Variants in SNX29 observed in about 807,000 individuals in gnomAD.
SNX29 encodes sorting nexin 29, also known as sorting nexin-29.
In SNX29, 78 loss-of-function variants were observed where a neutral mutation model predicts 102.1. The observed-to-expected ratio is 0.76, with a 90% CI of 0.64 to 0.92. The LOEUF (loss-of-function observed/expected upper bound fraction) is 0.92. Among genes scored for constraint, SNX29 ranks in the 40% least tolerant of loss-of-function variants. SNX29 has a pLI of 0.00. For synonymous variants in SNX29, 580 were observed against 414.5 expected, an observed-to-expected ratio of 1.40 and a Z score of -4.85; for missense variants, 1,280 against 1,061.7, an observed-to-expected ratio of 1.21 and a Z score of -2.86.
rs1408652879 is a variant in SNX29 at position 12,571,698 on chromosome 16, A to G, written c.*3069A>G. On this transcript the variant is annotated 3_prime_UTR_variant, in exon 21 of 21. Transcript: ENST00000566228. ...GAGGTGTCTCTCCTTGAGAGACAAC[A>G]AAAGCTTCTAAGGGAGGGAGCTTAA... 7.5e-6 allele frequency: 8 copies of G among 1,059,970 alleles called. No individual in the cohort carries two copies. Among genetic ancestry groups the G allele is most frequent in the Non-Finnish European group, 9.1e-6 (8 of 875,904 alleles). The allele number at this position is 1,059,970 out of a possible 1,614,324, so 65.7% of individuals were successfully genotyped here.
chr16:12,569,071 T>C lies in SNX29; in HGVS notation c.*442T>C, dbSNP rs2081896. On this transcript the variant is annotated 3_prime_UTR_variant, in exon 21 of 21. Transcript: ENST00000566228. ...GACTAGAATGACTATTAGCCTCTCC[T>C]TTTGCTTTTTAAGGTTATTACCTGG... is the stretch of plus-strand genomic sequence containing the variant. 52,241 of 196,092 alleles carry C rather than the reference T, an allele frequency of 0.27. 7,095 individuals are homozygous for C. The highest frequency in any genetic ancestry group is 0.46 in the East Asian group (5,977 of 12,954). The allele number at this position is 196,092 out of a possible 1,614,324, so 12.1% of individuals were successfully genotyped here. A position where few individuals can be genotyped will look rare whatever the true frequency, so the allele number is the denominator to read the frequency against.
chr16:12,571,971 T>A lies in SNX29; in HGVS notation c.*3342T>A. Reference sequence around the variant, plus strand: ...AAGAGGCTCTTACAGTCTATGGTGGTAGCCATCTTCACATCCAGTCACCAG... The same window carrying A: ...AAGAGGCTCTTACAGTCTATGGTGGAAGCCATCTTCACATCCAGTCACCAG... On this transcript the variant is annotated 3_prime_UTR_variant, in exon 21 of 21. Coordinates refer to ENST00000566228, the MANE Select transcript of SNX29 (RefSeq NM_032167.5). 1 of 1,061,690 alleles carries A rather than the reference T, an allele frequency of 9.4e-7. No individual in the cohort carries two copies. The highest frequency in any genetic ancestry group is 1.1e-6 in the Non-Finnish European group (1 of 876,986). 65.8% of individuals were successfully genotyped at this position (1,061,690 alleles called of 1,614,324 possible).
At chr16:12,309,443 C>T (rs2080457730) in intron 15 of SNX29, among the ~76,000 whole-genome samples, 1 of 152,170 alleles carries the variant, frequency 6.6e-6, no homozygotes, top group Non-Finnish European at 1.5e-5. Context: ...AGTAACCTGT[C>T]CCCTCCCATC....
rs184373723 is a variant in SNX29, at chr16:12,307,936, G to T, written c.1782+29900G>T. Among the ~76,000 whole-genome samples, 8 of 152,236 alleles carry T rather than the reference G, an allele frequency of 5.3e-5. No individual in the cohort carries two copies. The East Asian group carries it at 1.5e-3, about 29-fold the overall frequency. ...AGAGGTGGGCTTCCTCTGCAATCAG[G>T]GTCTGTTTGAGTTGTCTTCAGGACA... is the stretch of plus-strand genomic sequence containing the variant. On this transcript the variant is annotated intron_variant, in intron 15 of 20. Transcript: ENST00000566228.
intron 20 of SNX29, among the ~76,000 whole-genome samples, chr16:12,553,377 C>T (rs1029374909): frequency 6.6e-6 from 1 of 152,220 alleles, no homozygotes; most frequent in South Asian, 2.1e-4. Context: ...CAGACATGCT[C>T]TCAAGTTGAA....
At chr16:12,502,703 C>T (rs907902047) in intron 19 of SNX29, among the ~76,000 whole-genome samples, 5 of 152,138 alleles carry the variant, frequency 3.3e-5, no homozygotes, top group Non-Finnish European at 5.9e-5. Context: ...TTCTCAGTAC[C>T]CTCTACGTGA....
intron 20 of SNX29, among the ~76,000 whole-genome samples, chr16:12,550,542 A>C (rs1012443295): frequency 3.9e-5 from 6 of 152,092 alleles, no homozygotes; most frequent in African/African-American, 1.2e-4. Context: ...AAAAAAAAAA[A>C]AAAAACCAAA....
intron 16 of SNX29, chr16:12,374,640 G>T (rs989245176): frequency 6.6e-5 from 10 of 152,246 alleles, no homozygotes; most frequent in African/African-American, 2.2e-4. Flanking sequence ...GACAAAGTGA[G>T]TGTGGGCCTC....
chr16:12,537,550 T>G (rs998326774), intron 20 of SNX29, among the ~76,000 whole-genome samples: 1 of 152,200 alleles, frequency 6.6e-6, no homozygotes, highest in Non-Finnish European at 1.5e-5. Flanking sequence ...CTATGGAGCT[T>G]CTCGAAGGGA....
chr16:12,384,498 A>ATTTGTTT (rs2083281849), intron 16 of SNX29, among the ~76,000 whole-genome samples: 1 of 152,082 alleles, frequency 6.6e-6, no homozygotes. Flanking sequence ...TAGACCTGTT[A>ATTTGTTT]GCCATTTGTA....
At chr16:12,009,011 G>A (rs1045378555) in intron 3 of SNX29, among the ~76,000 whole-genome samples, 1 of 152,084 alleles carries the variant, frequency 6.6e-6, no homozygotes, top group African/African-American at 2.4e-5. Context: ...CAAACTGGTG[G>A]GATTACAGGC....
Position 12,572,655 on chromosome 16 carries a change from T to C in SNX29, c.*4026T>C. On this transcript the variant is annotated 3_prime_UTR_variant, in exon 21 of 21. Transcript: ENST00000566228. Reference sequence around the variant, plus strand: ...CCTTCATTCCTCCACCAAGCTCCTGTGTGAGCTGCAGCACCCACACGGGGG... The same window carrying C: ...CCTTCATTCCTCCACCAAGCTCCTGCGTGAGCTGCAGCACCCACACGGGGG... 4 of 1,063,754 alleles carry C rather than the reference T, an allele frequency of 3.8e-6. No individual in the cohort carries two copies. Among genetic ancestry groups the C allele is most frequent in the Non-Finnish European group, 4.6e-6 (4 of 878,418 alleles). The allele number at this position is 1,063,754 out of a possible 1,614,324, so 65.9% of individuals were successfully genotyped here. A position where few individuals can be genotyped will look rare whatever the true frequency, so the allele number is the denominator to read the frequency against.
intron 18 of SNX29, among the ~76,000 whole-genome samples, chr16:12,433,001 G>A (rs2085377177): frequency 6.6e-6 from 1 of 152,224 alleles, no homozygotes; most frequent in Non-Finnish European, 1.5e-5. Context: ...TGTGGGTAGA[G>A]GTGGGTTCTG....
At chr16:12,224,671 G>A (rs575248428) in intron 14 of SNX29, among the ~76,000 whole-genome samples, 1 of 152,342 alleles carries the variant, frequency 6.6e-6, no homozygotes, top group African/African-American at 2.4e-5. Context: ...GCAAAAGCAG[G>A]GAGTATTGTT....
chr16:12,104,221 C>T (rs546798488), intron 11 of SNX29, among the ~76,000 whole-genome samples: 1 of 152,130 alleles, frequency 6.6e-6, no homozygotes, highest in Non-Finnish European at 1.5e-5. Context: ...AAATCAGGCA[C>T]AGAGATCACC....
At chr16:12,369,523 G>T (rs535576496) in intron 16 of SNX29, among the ~76,000 whole-genome samples, 1 of 152,164 alleles carries the variant, frequency 6.6e-6, no homozygotes, top group Non-Finnish European at 1.5e-5. Context: ...CTAGAAGCTG[G>T]TCTGGGCCAG....
chr16:12,565,853 A>C (rs1486957960), intron 20 of SNX29, among the ~76,000 whole-genome samples: 1 of 152,154 alleles, frequency 6.6e-6, no homozygotes, highest in East Asian at 1.9e-4. Flanking sequence ...TCCTCCGGGA[A>C]GCCCTCTGTG....
Position 12,168,697 on chromosome 16 carries a change from A to G in SNX29, c.1596-30904A>G, listed in dbSNP as rs140538706. Among the ~76,000 whole-genome samples, 171 of 152,302 alleles carry G rather than the reference A, an allele frequency of 1.1e-3. 1 individual carries two copies. Among genetic ancestry groups the G allele is most frequent in the African/African-American group, 3.9e-3 (160 of 41,556 alleles). ...CATCACACAGAGGCGCTTCAGCCAC[A>G]TTTCTGGTTCACCTTTGCTGCTAGA... On this transcript the variant is annotated intron_variant, in intron 13 of 20. Coordinates refer to ENST00000566228, the MANE Select transcript of SNX29 (RefSeq NM_032167.5).
At chr16:12,563,013 A>C (rs1473902616) in intron 20 of SNX29, among the ~76,000 whole-genome samples, 1 of 152,114 alleles carries the variant, frequency 6.6e-6, no homozygotes, top group Non-Finnish European at 1.5e-5. Flanking sequence ...TGCGCCTTTC[A>C]AACCGTGTTT....
Sources: gnomAD v4.1 joint callset for allele counts (sites outside exome capture counted in the v4.1 genomes callset) on GRCh38, gnomAD v4.1.1 for gene constraint, MANE v1.5 for transcripts, NCBI Gene and HGNC (gene_info 2026-07-23, HGNC 2026-07-21) for gene names.